N4BP1: variants seen among roughly 807,000 people sequenced by gnomAD.
N4BP1 encodes the protein NEDD4 binding protein 1.
In N4BP1, 21 loss-of-function variants were observed where a neutral mutation model predicts 70.9. The ratio of observed to expected loss-of-function variants is 0.30; its 90% CI spans 0.21 to 0.43. The LOEUF (loss-of-function observed/expected upper bound fraction) is 0.43, where lower values mean the gene tolerates loss of function less well. N4BP1 is among the 20% of genes least tolerant of loss of function. N4BP1 has a pLI of 1.00. For missense variants in N4BP1, 936 were observed against 1,069.4 expected, an observed-to-expected ratio of 0.88 and a Z score of 1.74; for synonymous variants, 387 against 394.6, an observed-to-expected ratio of 0.98 and a Z score of 0.23.
intron 2 of N4BP1, among the ~76,000 whole-genome samples, chr16:48,555,425 G>A (rs1351944348): frequency 6.6e-6 from 1 of 152,166 alleles, no homozygotes; most frequent in Non-Finnish European, 1.5e-5. Context: ...GACACTTCAC[G>A]AACATCTAAT....
chr16:48,550,914 A>G (rs554259676), intron 4 of N4BP1, among the ~76,000 whole-genome samples: 37 of 151,866 alleles, frequency 2.4e-4, no homozygotes, highest in African/African-American at 8.9e-4. Flanking sequence ...GTAAGACTCC[A>G]TCTCAAGAAA....
chr16:48,609,645 T>A (rs888608432), intron 1 of N4BP1, 130 bp downstream of exon 1: 3 of 789,420 alleles, frequency 3.8e-6, no homozygotes, highest in Non-Finnish European at 5.2e-6. Context: ...AAAGGCACGT[T>A]CGCTGGCTCC....
In N4BP1 at chr16:48,543,339, C is replaced by T. The variant is rs576465193; in HGVS notation, c.2334-78G>A. 52 of 1,219,774 alleles carry T rather than the reference C, an allele frequency of 4.3e-5. No individual in the cohort carries two copies. The Admixed American group carries it at 5.4e-4, about 13-fold the overall frequency. The allele number at this position is 1,219,774 out of a possible 1,614,324, so 75.6% of individuals were successfully genotyped here. On this transcript the variant is annotated intron_variant, in intron 6 of 6. Coordinates refer to ENST00000262384, the MANE Select transcript of N4BP1 (RefSeq NM_153029.4). ...ATAGAGCTATTTTAGAAGGTACCTG[C>T]GGCAGGCCTTGAGGCTCAGGATGCC...
At chr16:48,566,002 A>G (rs926639115) in intron 1 of N4BP1, among the ~76,000 whole-genome samples, 17 of 152,066 alleles carry the variant, frequency 1.1e-4, no homozygotes, top group Non-Finnish European at 2.1e-4. Context: ...AGCTTCTCTC[A>G]TCTTTGTTAG....
chr16:48,541,188 C>G lies in N4BP1; in HGVS notation c.*1716G>C, dbSNP rs1963493170. ...ATAGTGGGTCAGCCAGGCTGCTGGA[C>G]TGAACCATGAGCCAGAAGGCCAGAA... On this transcript the variant is annotated 3_prime_UTR_variant, in exon 7 of 7. Coordinates refer to ENST00000262384, the MANE Select transcript of N4BP1 (RefSeq NM_153029.4). The G allele has an allele frequency of 6.6e-6, 1 of 152,286 alleles. No individual in the cohort carries two copies. The highest frequency in any genetic ancestry group is 1.5e-5 in the Non-Finnish European group (1 of 68,080). 9.4% of individuals were successfully genotyped at this position (152,286 alleles called of 1,614,324 possible).
Position 48,574,298 on chromosome 16 carries a change from A to C in N4BP1, c.199-11854T>G, listed in dbSNP as rs954978026. On this transcript the variant is annotated intron_variant, in intron 1 of 6. Coordinates refer to ENST00000262384, the MANE Select transcript of N4BP1 (RefSeq NM_153029.4). ...CATAACATGCTATGATGTGTCGCTG[A>C]TAGTTTTGGCCCTAATTTTAAGTTT... Among the ~76,000 whole-genome samples the C allele has an allele frequency of 2.0e-5, 3 of 152,198 alleles. No individual in the cohort carries two copies. The East Asian group carries it at 5.8e-4, about 29-fold the overall frequency.
intron 1 of N4BP1, among the ~76,000 whole-genome samples, chr16:48,573,867 A>G (rs1964056709): frequency 6.6e-6 from 1 of 152,202 alleles, no homozygotes; most frequent in Non-Finnish European, 1.5e-5. Context: ...AGAAATTCAT[A>G]AGGAAGAGAA....
At position 48,591,680 on chromosome 16, in the gene N4BP1, G is replaced by C. The variant is rs570484808; in HGVS notation, c.198+18095C>G. Among the ~76,000 whole-genome samples the C allele has an allele frequency of 4.4e-5, 6 of 137,428 alleles. No homozygotes were observed. In the South Asian group the frequency reaches 9.5e-4, roughly 22 times the overall value. The allele number at this position is 137,428 out of a possible 152,430, so 90.2% of individuals were successfully genotyped here. ...GGATATTGGTTGTTTTTGTGAAAAA[G>C]TTTTTGTTTTTCTTCTCAGTCAACT... On this transcript the variant is annotated intron_variant, in intron 1 of 6. Coordinates refer to ENST00000262384, the MANE Select transcript of N4BP1 (RefSeq NM_153029.4).
chr16:48,556,424 A>T (rs1963756104), intron 2 of N4BP1, among the ~76,000 whole-genome samples: 1 of 152,212 alleles, frequency 6.6e-6, no homozygotes, highest in Non-Finnish European at 1.5e-5. Flanking sequence ...TAGCATGTTG[A>T]CAGGTAAACC....
chr16:48,595,686 G>A (rs2151100572), intron 1 of N4BP1, among the ~76,000 whole-genome samples: 1 of 152,206 alleles, frequency 6.6e-6, no homozygotes, highest in Admixed American at 6.5e-5. Flanking sequence ...TGGAGAAACT[G>A]GTTATTTTAC....
intron 1 of N4BP1, among the ~76,000 whole-genome samples, chr16:48,604,181 C>A (rs900703390): frequency 2.0e-5 from 3 of 152,306 alleles, no homozygotes; most frequent in South Asian, 4.1e-4. Flanking sequence ...GGAGCTCTTG[C>A]GCTCCCTCTG....
At chr16:48,596,515 C>A (rs1261781450) in intron 1 of N4BP1, among the ~76,000 whole-genome samples, 2 of 152,128 alleles carry the variant, frequency 1.3e-5, no homozygotes, top group Non-Finnish European at 2.9e-5. Flanking sequence ...ACTTCATAGC[C>A]CACACCTTAA....
Position 48,546,129 on chromosome 16 carries a change from A to T in N4BP1, c.2333+18T>A, listed in dbSNP as rs1450689999. The T allele has an allele frequency of 1.3e-6, 2 of 1,534,334 alleles. No homozygotes were observed. The highest frequency in any genetic ancestry group is 1.8e-6 in the Non-Finnish European group (2 of 1,112,090). ...GAAATAGAAGTTTTAATACAAGACAATCTGAAAAAGGAAATACCTAAGACA... is the reference window on the plus strand; with the variant it reads ...GAAATAGAAGTTTTAATACAAGACATTCTGAAAAAGGAAATACCTAAGACA... On this transcript the variant is annotated intron_variant, in intron 6 of 6. Transcript: ENST00000262384.
chr16:48,555,458 T>C (rs559356770), intron 2 of N4BP1, among the ~76,000 whole-genome samples: 2 of 152,368 alleles, frequency 1.3e-5, no homozygotes, highest in South Asian at 4.1e-4. Context: ...TCACAAGAGC[T>C]ACGCACAGAC....
intron 1 of N4BP1, among the ~76,000 whole-genome samples, chr16:48,609,363 G>A (rs922449582): frequency 2.6e-5 from 4 of 152,202 alleles, no homozygotes; most frequent in African/African-American, 9.7e-5. Flanking sequence ...CCGGGACTGG[G>A]GGATAAAGGC....
rs1963524257 is a variant in N4BP1 at position 48,542,822 on chromosome 16, A to G, written c.*82T>C. The G allele has an allele frequency of 8.3e-7, 1 of 1,198,398 alleles. No individual in the cohort carries two copies. Among genetic ancestry groups the G allele is most frequent in the Non-Finnish European group, 1.2e-6 (1 of 860,482 alleles). 74.2% of individuals were successfully genotyped at this position (1,198,398 alleles called of 1,614,324 possible). Reference sequence around the variant, plus strand: ...ACTGGGAAATAAGTTTCTTCACATTATGTTCATTCCCATCAGGTACAGGTG... The same window carrying G: ...ACTGGGAAATAAGTTTCTTCACATTGTGTTCATTCCCATCAGGTACAGGTG... On this transcript the variant is annotated 3_prime_UTR_variant, in exon 7 of 7. Transcript: ENST00000262384.
At chr16:48,572,600 C>T (rs964259555) in intron 1 of N4BP1, among the ~76,000 whole-genome samples, 9 of 151,916 alleles carry the variant, frequency 5.9e-5, no homozygotes, top group Non-Finnish European at 4.4e-5. Context: ...ATGAAATTCA[C>T]CAAAATAAGG....
chr16:48,600,796 G>T (rs1335734575), intron 1 of N4BP1, among the ~76,000 whole-genome samples: 1 of 152,206 alleles, frequency 6.6e-6, no homozygotes, highest in African/African-American at 2.4e-5. Context: ...CAAAACATCA[G>T]ATATTACAGA....
intron 4 of N4BP1, among the ~76,000 whole-genome samples, chr16:48,549,300 A>G (rs372697512): frequency 1.3e-5 from 2 of 152,226 alleles, no homozygotes; most frequent in African/African-American, 4.8e-5. Context: ...TTTACAAATG[A>G]TTTCTAACTG....
Sources: allele counts gnomAD v4.1 joint callset (sites outside exome capture counted in the v4.1 genomes callset), GRCh38; gene constraint gnomAD v4.1.1; transcripts MANE v1.5; gene names NCBI Gene and HGNC (gene_info 2026-07-23, HGNC 2026-07-21).